SEMA3A: variants seen among roughly 807,000 people sequenced by gnomAD.
SEMA3A encodes semaphorin 3A.
A neutral mutation model predicts 97.9 loss-of-function variants in SEMA3A; 29 were observed. That is an observed-to-expected ratio of 0.30 (90% CI 0.22 to 0.40). The LOEUF is 0.40. Among genes scored for constraint, SEMA3A ranks in the 10% least tolerant of loss-of-function variants. The pLI is 1.00. For synonymous variants in SEMA3A, 321 were observed against 323.7 expected (o/e 0.99, Z 0.09); for missense variants, 763 against 951.3 (o/e 0.80, Z 2.60).
At chr7:84,476,911 A>T (rs1032781758) in intron 1 of SEMA3A, among the ~76,000 whole-genome samples, 12 of 151,718 alleles carry the variant, frequency 7.9e-5, no homozygotes, top group African/African-American at 2.9e-4. Flanking sequence ...GAAAAAAATA[A>T]TAAGATAACA....
At chr7:84,002,554 T>C (rs1790503428) in intron 11 of SEMA3A, among the ~76,000 whole-genome samples, 2 of 152,158 alleles carry the variant, frequency 1.3e-5, no homozygotes, top group African/African-American at 4.8e-5. Context: ...GCAAGGGAAG[T>C]AGTCAGAGCT....
rs146049069 is a variant in SEMA3A at position 84,122,729 on chromosome 7, A to G, written c.333+6394T>C. 3.1e-3 allele frequency among the ~76,000 whole-genome samples: 471 copies of G among 152,296 alleles called. 5 individuals carry two copies. Among genetic ancestry groups the G allele is most frequent in the African/African-American group, 0.011 (450 of 41,580 alleles). The stretch of plus-strand genomic sequence containing the variant: ...ACATAGGCATTTTGGAATGCACTGT[A>G]ACTTTAGATGCATGTGCAGCTTTAA... On this transcript the variant is annotated intron_variant, in intron 3 of 16. Coordinates refer to ENST00000265362, the MANE Select transcript of SEMA3A (RefSeq NM_006080.3).
intron 4 of SEMA3A, among the ~76,000 whole-genome samples, chr7:84,080,519 A>T (rs1056952490): frequency 1.3e-5 from 2 of 151,460 alleles, no homozygotes; most frequent in Admixed American, 1.3e-4. Context: ...TGCAATTTTG[A>T]TTAATATCTT....
At chr7:84,332,157 G>C in intron 2 of SEMA3A, among the ~76,000 whole-genome samples, 1 of 152,020 alleles carries the variant, frequency 6.6e-6, no homozygotes, top group Non-Finnish European at 1.5e-5. Flanking sequence ...AGACTACATA[G>C]GTCATTGAAT....
chr7:84,240,459 T>C (rs1799332640), intron 3 of SEMA3A, among the ~76,000 whole-genome samples: 1 of 152,088 alleles, frequency 6.6e-6, no homozygotes, highest in African/African-American at 2.4e-5. Context: ...GCCAAGGCCA[T>C]GGAAGATGGA....
chr7:84,032,125 G>T (rs1415528859), intron 6 of SEMA3A, among the ~76,000 whole-genome samples: 1 of 152,192 alleles, frequency 6.6e-6, no homozygotes, highest in Non-Finnish European at 1.5e-5. Context: ...CCTAGGGCAT[G>T]CTAGGAGTTC....
At chr7:84,388,224 GC>G (rs1461364291) in intron 1 of SEMA3A, among the ~76,000 whole-genome samples, 2 of 151,932 alleles carry the variant, frequency 1.3e-5, no homozygotes, top group Non-Finnish European at 2.9e-5. Context: ...ATGAGCTTAA[GC>G]TTTTGCAAGA....
At chr7:84,288,867 A>C (rs999379946) in intron 3 of SEMA3A, among the ~76,000 whole-genome samples, 3 of 152,138 alleles carry the variant, frequency 2.0e-5, no homozygotes, top group African/African-American at 7.2e-5. Context: ...CTGGGTACAT[A>C]TCTAAAAGAA....
chr7:84,397,494 T>C (rs1226374485), intron 1 of SEMA3A, among the ~76,000 whole-genome samples: 1 of 148,554 alleles, frequency 6.7e-6, no homozygotes, highest in Non-Finnish European at 1.5e-5. Context: ...ATGTATACAA[T>C]ACATGTTATA....
chr7:84,424,553 TTA>T (rs1463298873), intron 1 of SEMA3A, among the ~76,000 whole-genome samples: 2 of 79,152 alleles, frequency 2.5e-5, no homozygotes, highest in African/African-American at 8.3e-5. Flanking sequence ...TTAATATATA[TTA>T]TATATAATAT....
intron 15 of SEMA3A, among the ~76,000 whole-genome samples, chr7:83,965,967 C>T (rs926150478): frequency 1.3e-5 from 2 of 150,608 alleles, no homozygotes; most frequent in South Asian, 4.2e-4. Context: ...GTGTGAGCCA[C>T]CGCGCCCAGC....
chr7:83,976,158 G>A (rs1323994354), intron 15 of SEMA3A, among the ~76,000 whole-genome samples: 1 of 152,252 alleles, frequency 6.6e-6, no homozygotes, highest in South Asian at 2.1e-4. Flanking sequence ...GCCAAAGGGG[G>A]ATCTGAATTT....
intron 1 of SEMA3A, among the ~76,000 whole-genome samples, chr7:84,151,750 G>A (rs1030530300): frequency 5.3e-5 from 8 of 152,050 alleles, no homozygotes; most frequent in Non-Finnish European, 1.0e-4. Context: ...CCATCAGAGT[G>A]AACAGGCAAC....
chr7:84,170,356 G>A (rs1236448687), intron 1 of SEMA3A, among the ~76,000 whole-genome samples: 1 of 151,946 alleles, frequency 6.6e-6, no homozygotes, highest in Non-Finnish European at 1.5e-5. Context: ...AATTTCTCAA[G>A]GTGCTTGATT....
At chr7:84,183,276 T>G (rs1797783401) in intron 1 of SEMA3A, among the ~76,000 whole-genome samples, 1 of 152,124 alleles carries the variant, frequency 6.6e-6, no homozygotes, top group Non-Finnish European at 1.5e-5. Context: ...TTTTTGTCAC[T>G]AGAATGTTCC....
chr7:84,190,535 G>A (rs913549006), intron 1 of SEMA3A, among the ~76,000 whole-genome samples: 4 of 150,634 alleles, frequency 2.7e-5, no homozygotes, highest in African/African-American at 9.7e-5. Context: ...TGAGTGTGTG[G>A]GTATGTCTTC....
intron 3 of SEMA3A, among the ~76,000 whole-genome samples, chr7:84,118,668 A>G (rs963780998): frequency 5.3e-5 from 8 of 152,200 alleles, no homozygotes; most frequent in Non-Finnish European, 1.0e-4. Context: ...CGACCCAAAG[A>G]AAGTTAGAGG....
At chr7:84,046,232 C>T in intron 6 of SEMA3A, 92 bp downstream of exon 6, 8 of 1,417,972 alleles carry the variant, frequency 5.6e-6, no homozygotes, top group Non-Finnish European at 7.7e-6. Flanking sequence ...CAATAAATTT[C>T]AAGTCATATT....
At chr7:84,092,577 G>C (rs1357705194) in intron 4 of SEMA3A, among the ~76,000 whole-genome samples, 1 of 151,928 alleles carries the variant, frequency 6.6e-6, no homozygotes, top group African/African-American at 2.4e-5. Context: ...AAATTTTTGT[G>C]TCATACCTAA....
Sources: gnomAD v4.1 joint callset for allele counts (sites outside exome capture counted in the v4.1 genomes callset) on GRCh38, gnomAD v4.1.1 for gene constraint, MANE v1.5 for transcripts, NCBI Gene and HGNC (gene_info 2026-07-23, HGNC 2026-07-21) for gene names.